Variants in KCP observed in about 807,000 individuals in gnomAD.
The protein encoded by KCP is kielin cysteine rich BMP regulator, also known as kielin/chordin-like protein.
A neutral mutation model predicts 212.7 loss-of-function variants in KCP; 194 were observed. That is an observed-to-expected ratio of 0.91 (90% CI 0.81 to 1.03). The LOEUF (loss-of-function observed/expected upper bound fraction) is 1.03, where lower values mean the gene tolerates loss of function less well. KCP is among the 50% of genes least tolerant of loss of function. KCP has a pLI of 0.00. For missense variants in KCP, 2,080 were observed against 2,162.5 expected, an observed-to-expected ratio of 0.96 and a Z score of 0.76; for synonymous variants, 833 against 865.3, an observed-to-expected ratio of 0.96 and a Z score of 0.65.
At chr7:128,889,577 A>G (rs1793956386) in intron 21 of KCP, among the ~76,000 whole-genome samples, 1 of 152,244 alleles carries the variant, frequency 6.6e-6, no homozygotes, top group South Asian at 2.1e-4. Flanking sequence ...AGTATCTGAC[A>G]AGGATTTAAC....
In KCP at chr7:128,892,618, G is replaced by C. The variant is rs546107233; in HGVS notation, c.1528-11C>G. ...TGTCACAGTTCCATCCTGCGAGAGAGCAGGGGAGAGAGCAATCGGGGCATG... is the reference window on the plus strand; with the variant it reads ...TGTCACAGTTCCATCCTGCGAGAGACCAGGGGAGAGAGCAATCGGGGCATG... On this transcript the variant is annotated splice_polypyrimidine_tract_variant and intron_variant, in intron 15 of 39. Transcript: ENST00000610776. 6.4e-7 allele frequency: 1 copy of C among 1,551,226 alleles called. No homozygotes were observed.
chr7:128,879,769 C>T lies in KCP; in HGVS notation c.3993G>A (p.Ala1331=), dbSNP rs756766821. The T allele has an allele frequency of 2.8e-5, 44 of 1,550,470 alleles. No homozygotes were observed. Among genetic ancestry groups the T allele is most frequent in the South Asian group, 5.9e-5 (5 of 84,062 alleles). Reference sequence around the variant, plus strand: ...GCACGGCCATGTCTCCCAGCAGCACCGCCACCTCCTGGGTCCAGGCCACAC... The same window carrying T: ...GCACGGCCATGTCTCCCAGCAGCACTGCCACCTCCTGGGTCCAGGCCACAC... The part of the protein sequence containing the change: ...RSGVAWTQEV[A]VLLGDMAVRL... Residue 1331 remains alanine (A), a synonymous_variant, in exon 36 of 40, where the codon GCG becomes GCA. Transcript: ENST00000610776.
At chr7:128,894,725 G>T (rs544032085) in intron 8 of KCP, among the ~76,000 whole-genome samples, 2 of 152,228 alleles carry the variant, frequency 1.3e-5, no homozygotes, top group Admixed American at 1.3e-4. Context: ...TCCTGCCTCA[G>T]CCTCCCAAGT....
chr7:128,879,574 T>A lies in KCP; in HGVS notation c.4094A>T (p.Tyr1365Phe). ...ALPFLQEPLL[Y>F]VELRGHTVIL... ...CACAGTGTGTCCTCGCAGCTCCACA[T>A]ACAGCAGCGGCTCCTGCAGGAAGGG... The change falls in exon 37 of 40, where the codon TAT becomes TTT. Residue 1365 changes from tyrosine (Y) to phenylalanine (F), a missense_variant. Transcript: ENST00000610776. The A allele has an allele frequency of 3.9e-6, 6 of 1,550,320 alleles. No homozygotes were observed. The highest frequency in any genetic ancestry group is 5.2e-6 in the Non-Finnish European group (6 of 1,146,920).
At position 128,907,283 on chromosome 7, in the gene KCP, T is replaced by G. The variant is rs1349942513; in HGVS notation, c.390A>C (p.Ala130=). Reference sequence around the variant, plus strand: ...ACTTACCCCTGCAATGGGGCAGGTGTGCTTGGGGGCCACAGTGAGCGGCCC... The same window carrying G: ...ACTTACCCCTGCAATGGGGCAGGTGGGCTTGGGGGCCACAGTGAGCGGCCC... ...QDGAAHCGPQ[A]HLPHCRGCSQ... is the part of the protein sequence containing the mutation. The change falls in exon 3 of 40, where the codon GCA becomes GCC. Residue 130 remains alanine, a synonymous_variant. Coordinates refer to ENST00000610776, the MANE Select transcript of KCP (RefSeq NM_001366122.1). 1 of 1,534,630 alleles carries G rather than the reference T, an allele frequency of 6.5e-7. No homozygotes were observed. Among genetic ancestry groups the G allele is most frequent in the African/African-American group, 1.4e-5 (1 of 72,690 alleles).
intron 32 of KCP, 125 bp downstream of exon 32, chr7:128,880,872 T>C (rs1463892825): frequency 5.0e-6 from 2 of 399,654 alleles, no homozygotes; most frequent in South Asian, 1.3e-4. Context: ...AGCCTTCGGC[T>C]CCATGCCCCG....
In KCP at chr7:128,908,422, G is replaced by A. The variant is rs913592645; in HGVS notation, c.219+4C>T. ...AATGCAAACCAGCACTGTCTCCATG[G>A]TACCTGTTCTCTGAGCTCCATCACT... On this transcript the variant is annotated splice_donor_region_variant and intron_variant, in intron 2 of 39. Transcript: ENST00000610776. 1.9e-6 allele frequency: 3 copies of A among 1,550,764 alleles called. No individual in the cohort carries two copies. The highest frequency in any genetic ancestry group is 1.4e-5 in the African/African-American group (1 of 72,982).
At chr7:128,893,180 T>C (rs1794285597) in intron 13 of KCP, 58 bp downstream of exon 13, 2 of 1,506,434 alleles carry the variant, frequency 1.3e-6, no homozygotes, top group Non-Finnish European at 1.8e-6. Flanking sequence ...AGCACCCTCC[T>C]TCTGCAGCCC....
Position 128,902,670 on chromosome 7 carries a change from G to A in KCP, c.831+107C>T, listed in dbSNP as rs1172433674. 13 of 1,028,680 alleles carry A rather than the reference G, an allele frequency of 1.3e-5. No individual in the cohort carries two copies. The Admixed American group carries it at 2.5e-4, about 19-fold the overall frequency. 63.7% of individuals were successfully genotyped at this position (1,028,680 alleles called of 1,614,324 possible). ...AGACAGCGCCTAGGTCTTCTCCACT[G>A]GGTCCCCTCTCAACACCTCTGCGAA... On this transcript the variant is annotated intron_variant, in intron 8 of 39. Transcript: ENST00000610776.
chr7:128,901,349 G>A lies in KCP; in HGVS notation c.831+1428C>T, dbSNP rs762251901. On this transcript the variant is annotated intron_variant, in intron 8 of 39. Transcript: ENST00000610776. ...CTTTCTTAATAAACTGCTTTTGGCC[G>A]GGCGTGGTGGCTCACGCCTGTAATC... Among the ~76,000 whole-genome samples, 11 of 152,072 alleles carry A rather than the reference G, an allele frequency of 7.2e-5. 1 individual carries two copies. The highest frequency in any genetic ancestry group is 2.6e-4 in the Admixed American group (4 of 15,270).
In KCP at chr7:128,878,560, G is replaced by C; in HGVS notation, c.4309C>G (p.Gln1437Glu). 1 of 1,550,830 alleles carries C rather than the reference G, an allele frequency of 6.4e-7. No homozygotes were observed. Among genetic ancestry groups the C allele is most frequent in the Non-Finnish European group, 8.7e-7 (1 of 1,146,650 alleles). Residue 1437 changes from glutamine (Q) to glutamate (E), a missense_variant and splice_region_variant, in exon 38 of 40, where the codon CAG becomes GAG. Coordinates refer to ENST00000610776, the MANE Select transcript of KCP (RefSeq NM_001366122.1). ...PSEAAFGNSW[Q>E]VSEGLWPGRP... ...TCCCCGGTTCCTGTACCACTCACCT[G>C]CCAGCTATTCCCAAACGCAGCCTCC...
Position 128,885,284 on chromosome 7 carries a change from T to C in KCP, c.2867-14A>G. On this transcript the variant is annotated splice_polypyrimidine_tract_variant and intron_variant, in intron 26 of 39. Coordinates refer to ENST00000610776, the MANE Select transcript of KCP (RefSeq NM_001366122.1). Reference sequence around the variant, plus strand: ...GAGCCAGGCAGCCTGTGGTGCAAAGTGGGCAGGGACGAGCTCGGAGGTTGA... The same window carrying C: ...GAGCCAGGCAGCCTGTGGTGCAAAGCGGGCAGGGACGAGCTCGGAGGTTGA... 2 of 1,534,596 alleles carry C rather than the reference T, an allele frequency of 1.3e-6. No individual in the cohort carries two copies. Among genetic ancestry groups the C allele is most frequent in the Non-Finnish European group, 1.8e-6 (2 of 1,135,130 alleles).
rs1794297032 is a variant in KCP at position 128,893,318 on chromosome 7, G to A, written c.1187C>T (p.Ala396Val). The A allele has an allele frequency of 3.2e-6, 5 of 1,551,572 alleles. No individual in the cohort carries two copies. Among genetic ancestry groups the A allele is most frequent in the Non-Finnish European group, 4.4e-6 (5 of 1,146,904 alleles). Reference protein sequence around the residue: ...RGLCVRCSCQAGEVSCEEQEC... With the variant: ...RGLCVRCSCQVGEVSCEEQEC... ...CTGCTCCTCACAGGAGACCTCGCCA[G>A]CCTAGGAGGGAAGCAGGTGAGACAC... The change falls in exon 13 of 40, where the codon GCT becomes GTT. Residue 396 changes from alanine to valine, a missense_variant and splice_region_variant. Ala to Val is a moderately conservative substitution (Grantham distance 64). Coordinates refer to ENST00000610776, the MANE Select transcript of KCP (RefSeq NM_001366122.1).
rs1233233038 is a variant in KCP at position 128,893,873 on chromosome 7, C to A, written c.1032G>T (p.Leu344=). The change falls in exon 11 of 40, where the codon CTG becomes CTT. Residue 344 remains leucine (L), a synonymous_variant. Transcript: ENST00000610776. ...CANGSVQCEP[L]PCPPVPCRHP... Reference sequence around the variant, plus strand: ...GTCTGCAGGGCACTGGCGGGCAGGGCAGAGGCTCACACTGGACACTCCCAT... The same window carrying A: ...GTCTGCAGGGCACTGGCGGGCAGGGAAGAGGCTCACACTGGACACTCCCAT... 3.2e-6 allele frequency: 5 copies of A among 1,551,240 alleles called. No individual in the cohort carries two copies. Among genetic ancestry groups the A allele is most frequent in the Non-Finnish European group, 3.5e-6 (4 of 1,146,970 alleles).
chr7:128,890,617 G>C (rs1794041509), intron 20 of KCP, 104 bp from the exon 21 acceptor site: 10 of 914,388 alleles, frequency 1.1e-5, no homozygotes, highest in Non-Finnish European at 1.4e-5. Context: ...CGTGGGGGCC[G>C]TGGGGGCTGG....
intron 4 of KCP, 73 bp downstream of exon 4, chr7:128,907,028 C>T: frequency 1.4e-6 from 2 of 1,407,954 alleles, no homozygotes; most frequent in Admixed American, 4.2e-5. Flanking sequence ...ATCTTGAGTG[C>T]CACGCTGCAG....
intron 38 of KCP, among the ~76,000 whole-genome samples, chr7:128,878,055 C>CTTTTTTT (rs34574520): frequency 1.5e-5 from 2 of 131,778 alleles, no homozygotes; most frequent in African/African-American, 2.8e-5. Context: ...AACAAGCCTT[C>CTTTTTTT]TTTTTTTTTT....
intron 23 of KCP, 41 bp from the exon 24 acceptor site, chr7:128,887,007 C>T: frequency 8.7e-7 from 1 of 1,148,856 alleles, no homozygotes; most frequent in Non-Finnish European, 1.3e-6. Flanking sequence ...CTGGACTGCA[C>T]ATTTCCCCAG....
intron 22 of KCP, among the ~76,000 whole-genome samples, chr7:128,888,378 ACACACACAGC>A (rs1233106996): frequency 1.3e-5 from 2 of 150,742 alleles, no homozygotes; most frequent in Non-Finnish European, 3.0e-5. Context: ...ACACAGGCCA[ACACACACAGC>A]CACACACAGA....
Sources: allele counts gnomAD v4.1 joint callset (sites outside exome capture counted in the v4.1 genomes callset), GRCh38; gene constraint gnomAD v4.1.1; transcripts MANE v1.5; gene names NCBI Gene and HGNC (gene_info 2026-07-23, HGNC 2026-07-21).